The following NBR1 variants were observed in gnomAD, a reference collection of about 807,000 sequenced individuals.
NBR1 encodes the protein NBR1 autophagy cargo receptor, also known as next to BRCA1 gene 1 protein.
NBR1 carries 59 observed loss-of-function variants against 115.5 expected under a neutral mutation model. The observed-to-expected ratio is 0.51, with a 90% CI of 0.41 to 0.63. The LOEUF is 0.63. Among genes scored for constraint, NBR1 ranks in the 30% least tolerant of loss-of-function variants. The pLI, the probability that NBR1 is intolerant of heterozygous loss-of-function variation, is 0.00. For synonymous variants in NBR1, 373 were observed against 414.7 expected (o/e 0.90, Z 1.22); for missense variants, 1,043 against 1,150.5 (o/e 0.91, Z 1.35).
chr17:43,195,034 C>G lies in NBR1; in HGVS notation c.1745C>G (p.Pro582Arg). ...QELERVPHNT[P>R]VDVTPCMSPL... Reference sequence around the variant, plus strand: ...TTGGAGAGAGTGCCCCACAACACCCCTGTGGGTAAGAATGTCACTCATTTC... The same window carrying G: ...TTGGAGAGAGTGCCCCACAACACCCGTGTGGGTAAGAATGTCACTCATTTC... The change falls in exon 14 of 21, where the codon CCT becomes CGT. Residue 582 changes from proline to arginine, a missense_variant. Coordinates refer to ENST00000590996, the MANE Select transcript of NBR1 (RefSeq NM_005899.5). 1.2e-6 allele frequency: 2 copies of G among 1,611,574 alleles called. No individual in the cohort carries two copies. Among genetic ancestry groups the G allele is most frequent in the Non-Finnish European group, 1.7e-6 (2 of 1,177,772 alleles).
intron 10 of NBR1, among the ~76,000 whole-genome samples, chr17:43,192,666 G>T (rs2056976847): frequency 6.6e-6 from 1 of 152,196 alleles, no homozygotes; most frequent in Admixed American, 6.5e-5. Flanking sequence ...ACCGCGCCTG[G>T]CCAAGTTTCG....
intron 20 of NBR1, among the ~76,000 whole-genome samples, chr17:43,208,045 A>AAG (rs960254004): frequency 2.0e-5 from 3 of 152,188 alleles, no homozygotes; most frequent in East Asian, 1.9e-4. Flanking sequence ...GAGGAAAATG[A>AAG]AGAGAGAGAG....
rs942662039 is a variant in NBR1, at chr17:43,199,272, G to A, written c.2027-895G>A. Among the ~76,000 whole-genome samples the A allele has an allele frequency of 2.6e-5, 4 of 151,024 alleles. No homozygotes were observed. In the East Asian group the frequency reaches 5.8e-4, roughly 22 times the overall value. ...TTTTTTTTTGTAGAGATGGGATTTCGCCACGTTGCCCAGGCTGGTCCCAAA... is the reference window on the plus strand; with the variant it reads ...TTTTTTTTTGTAGAGATGGGATTTCACCACGTTGCCCAGGCTGGTCCCAAA... On this transcript the variant is annotated intron_variant, in intron 16 of 20. Coordinates refer to ENST00000590996, the MANE Select transcript of NBR1 (RefSeq NM_005899.5).
intron 19 of NBR1, 41 bp from the exon 20 acceptor site, chr17:43,203,640 T>G: frequency 5.6e-6 from 7 of 1,243,194 alleles, no homozygotes; most frequent in Non-Finnish European, 6.9e-6. Context: ...AAGGTAATGA[T>G]TTGTGTTTGT....
At position 43,194,461 on chromosome 17, in the gene NBR1, G is replaced by T. The variant is rs368673600; in HGVS notation, c.1636G>T (p.Glu546Ter). 2 of 1,613,872 alleles carry T rather than the reference G, an allele frequency of 1.2e-6. No homozygotes were observed. The highest frequency in any genetic ancestry group is 2.7e-5 in the African/African-American group (2 of 74,930). Residue 546 changes from glutamate to a stop codon, truncating the protein, a stop_gained, in exon 13 of 21, where the codon GAG becomes TAG. Transcript: ENST00000590996. LOFTEE classifies it high-confidence loss of function. ...GGCAAAAAATGTTGCCAGTGAGAGG[G>T]AGCTCTACATCCCATCTGTGGATCT... is the stretch of plus-strand genomic sequence containing the variant. Reference protein sequence around the residue: ...QKAKNVASERELYIPSVDLLT... With the variant: ...QKAKNVASER
intron 18 of NBR1, 77 bp downstream of exon 18, chr17:43,201,857 C>G: frequency 1.2e-6 from 1 of 828,764 alleles, no homozygotes; most frequent in African/African-American, 1.7e-5. Flanking sequence ...GCCTCTCTCT[C>G]TTCGTGATTC....
chr17:43,175,725 A>G lies in NBR1; in HGVS notation c.-9-66A>G, dbSNP rs999879084. 5 of 715,848 alleles carry G rather than the reference A, an allele frequency of 7.0e-6. No homozygotes were observed. In the African/African-American group the frequency reaches 9.1e-5, roughly 13 times the overall value. The allele number at this position is 715,848 out of a possible 1,614,324, so 44.3% of individuals were successfully genotyped here. A position where few individuals can be genotyped will look rare whatever the true frequency, so the allele number is the denominator to read the frequency against. ...ACAAGTATTTGCTGAGTGAACTTTT[A>G]GTGCAACTTATAGAACCCTTTCTAA... On this transcript the variant is annotated intron_variant, in intron 1 of 20. Coordinates refer to ENST00000590996, the MANE Select transcript of NBR1 (RefSeq NM_005899.5).
At chr17:43,209,107 C>T (rs1033710408) in intron 20 of NBR1, among the ~76,000 whole-genome samples, 49 of 150,342 alleles carry the variant, frequency 3.3e-4, no homozygotes, top group Non-Finnish European at 5.0e-4. Context: ...GATGGAGTCT[C>T]GCTCTGTCAC....
chr17:43,178,017 C>T lies in NBR1; in HGVS notation c.165+19C>T, dbSNP rs1290728790. 5.1e-6 allele frequency: 8 copies of T among 1,568,086 alleles called. No individual in the cohort carries two copies. The highest frequency in any genetic ancestry group is 7.0e-6 in the Non-Finnish European group (8 of 1,146,948). On this transcript the variant is annotated intron_variant, in intron 3 of 20. Coordinates refer to ENST00000590996, the MANE Select transcript of NBR1 (RefSeq NM_005899.5). ...TGAAGAGGTAAAATATATTATGGCACTTATTGCTAGGTGTTCAGAATAGGG... is the reference window on the plus strand; with the variant it reads ...TGAAGAGGTAAAATATATTATGGCATTTATTGCTAGGTGTTCAGAATAGGG...
chr17:43,209,663 C>T lies in NBR1; in HGVS notation c.2728-238C>T, dbSNP rs145468394. The T allele has an allele frequency of 6.1e-4, 937 of 1,535,424 alleles. 3 individuals are homozygous for T. The highest frequency in any genetic ancestry group is 2.3e-3 in the Middle Eastern group (14 of 5,990). ...TTCTAAGTACAGTTCATTAGCTCCC[C>T]GGTTTCCCTTTTCTCCTCCTTCAAG... is the stretch of plus-strand genomic sequence containing the variant. On this transcript the variant is annotated intron_variant, in intron 20 of 20. Transcript: ENST00000590996.
At chr17:43,184,015 T>A (rs2056738400) in intron 5 of NBR1, among the ~76,000 whole-genome samples, 1 of 151,776 alleles carries the variant, frequency 6.6e-6, no homozygotes, top group South Asian at 2.1e-4. Context: ...CTGACAGCAC[T>A]TGTTAAAAAA....
chr17:43,179,372 G>A, intron 3 of NBR1, 22 bp from the exon 4 acceptor site: 1 of 1,610,318 alleles, frequency 6.2e-7, no homozygotes, highest in Non-Finnish European at 8.5e-7. Context: ...ATAATTCACT[G>A]TTGCTTTTTT....
At chr17:43,180,903 GCT>G in intron 5 of NBR1, 86 bp downstream of exon 5, 1 of 1,196,084 alleles carries the variant, frequency 8.4e-7, no homozygotes, top group Non-Finnish European at 1.1e-6. Context: ...ATGAGGTTGT[GCT>G]CTGTCATCCA....
chr17:43,185,212 A>G (rs1171475051), intron 5 of NBR1, among the ~76,000 whole-genome samples: 1 of 152,210 alleles, frequency 6.6e-6, no homozygotes, highest in Non-Finnish European at 1.5e-5. Flanking sequence ...AAAGCAACAC[A>G]ATACTTTTGT....
intron 20 of NBR1, 62 bp from the exon 21 acceptor site, chr17:43,209,834 TATAAA>T: frequency 6.8e-7 from 1 of 1,463,756 alleles, no homozygotes; most frequent in Non-Finnish European, 9.0e-7. Flanking sequence ...GATACAAATG[TATAAA>T]ATAAACATTT....
intron 1 of NBR1, among the ~76,000 whole-genome samples, chr17:43,173,230 G>A (rs901544520): frequency 6.6e-6 from 1 of 151,912 alleles, no homozygotes; most frequent in African/African-American, 2.4e-5. Flanking sequence ...TGATCCTTCC[G>A]CCTCAGCCTC....
intron 6 of NBR1, 62 bp from the exon 7 acceptor site, chr17:43,188,980 C>A: frequency 8.6e-7 from 1 of 1,160,692 alleles, no homozygotes; most frequent in Non-Finnish European, 1.3e-6. Flanking sequence ...TAATACACTC[C>A]AGGAAAAGTA....
chr17:43,179,293 T>G, intron 3 of NBR1, 101 bp from the exon 4 acceptor site: 1 of 1,042,720 alleles, frequency 9.6e-7, no homozygotes, highest in Non-Finnish European at 1.5e-6. Flanking sequence ...GCTGAACGCT[T>G]GGCCTGAGTT....
intron 10 of NBR1, among the ~76,000 whole-genome samples, chr17:43,192,020 C>CTT (rs34920601): frequency 0.023 from 2,508 of 107,440 alleles, 151 homozygotes; most frequent in African/African-American, 0.047. Flanking sequence ...CAGCACCCGG[C>CTT]TTTTTTTTTT....
Sources: gnomAD v4.1 joint callset for allele counts (sites outside exome capture counted in the v4.1 genomes callset) on GRCh38, gnomAD v4.1.1 for gene constraint, MANE v1.5 for transcripts, NCBI Gene and HGNC (gene_info 2026-07-23, HGNC 2026-07-21) for gene names.